Variants in KLHL4 observed in about 807,000 individuals in gnomAD.
KLHL4 encodes the protein kelch-like protein 4.
A neutral mutation model predicts 45.8 loss-of-function variants in KLHL4; 17 were observed. The observed-to-expected ratio is 0.37, with a 90% CI of 0.25 to 0.56. KLHL4 has a LOEUF of 0.56. Among genes scored for constraint, KLHL4 ranks in the 20% least tolerant of loss-of-function variants. The pLI is 0.79. For synonymous variants in KLHL4, 224 were observed against 189.9 expected (o/e 1.18, Z -1.47); for missense variants, 544 against 544.9 (o/e 1.00, Z 0.02).
At chrX:87,547,724 G>A (rs1362361634) in intron 1 of KLHL4, among the ~76,000 whole-genome samples, 2 of 110,661 alleles carry the variant, frequency 1.8e-5, no homozygotes, top group Non-Finnish European at 3.8e-5. Context: ...AGGAGGCTGA[G>A]GCAGAAGAAT....
Position 87,622,245 on chromosome X carries a change from T to A in KLHL4, c.959T>A (p.Phe320Tyr), listed in dbSNP as rs1174318459. 1 of 1,208,379 alleles carries A rather than the reference T, an allele frequency of 8.3e-7. No individual in the cohort carries two copies. Among genetic ancestry groups the A allele is most frequent in the South Asian group, 1.8e-5 (1 of 56,797 alleles). Reference protein sequence around the residue: ...HFIEVIKNQEFLLLPANEISK... With the variant: ...HFIEVIKNQEYLLLPANEISK... ...ATTGAGGTAATAAAAAACCAAGAAT[T>A]CCTCCTGCTTCCAGCTAATGAAATT... The change falls in exon 5 of 11, where the codon TTC becomes TAC. Residue 320 changes from phenylalanine to tyrosine, a missense_variant. Transcript: ENST00000373119.
chrX:87,623,268 T>G (rs1922813042), intron 5 of KLHL4, among the ~76,000 whole-genome samples: 1 of 107,177 alleles, frequency 9.3e-6, no homozygotes, highest in Non-Finnish European at 1.9e-5. Flanking sequence ...TGTTAATCTG[T>G]TGATGATTTT....
chrX:87,532,450 G>GT (rs1931315922), intron 1 of KLHL4, among the ~76,000 whole-genome samples: 1 of 109,278 alleles, frequency 9.2e-6, no homozygotes, highest in African/African-American at 3.3e-5. Flanking sequence ...CTTTAAGGTA[G>GT]TTTTTTCCAA....
At chrX:87,607,260 A>C (rs1164369449) in intron 1 of KLHL4, among the ~76,000 whole-genome samples, 1 of 109,494 alleles carries the variant, frequency 9.1e-6, no homozygotes, top group African/African-American at 3.3e-5. Flanking sequence ...CCCTAGCGCA[A>C]CTCTCAAATC....
At chrX:87,627,503 A>T (rs1922966721) in intron 6 of KLHL4, among the ~76,000 whole-genome samples, 1 of 111,806 alleles carries the variant, frequency 8.9e-6, no homozygotes, top group Admixed American at 9.5e-5. Context: ...AAATGCAATT[A>T]TTTGCAGATT....
chrX:87,585,505 CTTTT>C (rs1215035250), intron 1 of KLHL4, among the ~76,000 whole-genome samples: 1 of 110,908 alleles, frequency 9.0e-6, no homozygotes, highest in Non-Finnish European at 1.9e-5. Flanking sequence ...TATTAGTTTT[CTTTT>C]TGTTTGTTTG....
chrX:87,666,625 T>C lies in KLHL4; in HGVS notation c.*91T>C. Reference sequence around the variant, plus strand: ...AGAAAGAAATACATGTTCTTTTTCCTGCAATTAATAATCAGACTGGAAAAT... The same window carrying C: ...AGAAAGAAATACATGTTCTTTTTCCCGCAATTAATAATCAGACTGGAAAAT... On this transcript the variant is annotated 3_prime_UTR_variant, in exon 11 of 11. Transcript: ENST00000373119. 9.8e-7 allele frequency: 1 copy of C among 1,019,261 alleles called. No homozygotes were observed. The highest frequency in any genetic ancestry group is 3.5e-5 in the East Asian group (1 of 28,565). The allele number at this position is 1,019,261 out of a possible 1,213,427, so 84.0% of individuals were successfully genotyped here.
Position 87,614,037 on chromosome X carries a change from G to A in KLHL4, c.583G>A (p.Ala195Thr). ...LLIAGHLRIP[A>T]HRLVLSAVSD... The stretch of plus-strand genomic sequence containing the variant: ...GATTGCAGGACACCTCCGCATCCCA[G>A]CCCATAGGTAAGTATTTTTATGTAT... Residue 195 changes from alanine to threonine, a missense_variant, in exon 2 of 11, where the codon GCC (alanine) becomes ACC (threonine). Physicochemically the swap from Ala to Thr is moderately conservative, Grantham distance 58 (BLOSUM62 0). Transcript: ENST00000373119. 1 of 1,194,785 alleles carries A rather than the reference G, an allele frequency of 8.4e-7. No individual in the cohort carries two copies. Among genetic ancestry groups the A allele is most frequent in the Non-Finnish European group, 1.1e-6 (1 of 886,765 alleles).
At chrX:87,526,044 G>C (rs962550173) in intron 1 of KLHL4, among the ~76,000 whole-genome samples, 1 of 111,628 alleles carries the variant, frequency 9.0e-6, no homozygotes, top group African/African-American at 3.3e-5. Context: ...GCCCTGGGTA[G>C]CTTACTAAAG....
chrX:87,607,218 A>G (rs1602440809), intron 1 of KLHL4, among the ~76,000 whole-genome samples: 1 of 110,959 alleles, frequency 9.0e-6, no homozygotes, highest in East Asian at 2.9e-4. Flanking sequence ...CTGGCCTCTC[A>G]GTTGCTTCAC....
Position 87,668,039 on chromosome X carries a change from C to A in KLHL4, c.*1505C>A. 4 of 728,835 alleles carry A rather than the reference C, an allele frequency of 5.5e-6. No individual in the cohort carries two copies. In the South Asian group the frequency reaches 2.1e-4, roughly 38 times the overall value. The allele number at this position is 728,835 out of a possible 1,213,427, so 60.1% of individuals were successfully genotyped here. ...TAAACACAAAAATAAAATTCCACTCCTTTATTTCTTCTTACACCTGCCATT... is the reference window on the plus strand; with the variant it reads ...TAAACACAAAAATAAAATTCCACTCATTTATTTCTTCTTACACCTGCCATT... On this transcript the variant is annotated 3_prime_UTR_variant, in exon 11 of 11. Coordinates refer to ENST00000373119, the MANE Select transcript of KLHL4 (RefSeq NM_019117.5).
chrX:87,635,620 T>C lies in KLHL4; in HGVS notation c.1770T>C (p.Phe590=), dbSNP rs752990991. The change falls in exon 9 of 11, where the codon TTT becomes TTC. Residue 590 remains phenylalanine, a synonymous_variant. Transcript: ENST00000373119. ...CCTGCCTCAAATCAATGGAATACTTTGACCCACACACTAACAAGTGGAGTT... is the reference window on the plus strand; with the variant it reads ...CCTGCCTCAAATCAATGGAATACTTCGACCCACACACTAACAAGTGGAGTT... The part of the protein sequence containing the change: ...GSSCLKSMEY[F]DPHTNKWSLC... 11 of 1,209,801 alleles carry C rather than the reference T, an allele frequency of 9.1e-6. No individual in the cohort carries two copies. The highest frequency in any genetic ancestry group is 5.9e-5 in the East Asian group (2 of 33,747).
At chrX:87,591,642 T>C (rs1455375969) in intron 1 of KLHL4, among the ~76,000 whole-genome samples, 1 of 111,994 alleles carries the variant, frequency 8.9e-6, no homozygotes, top group African/African-American at 3.2e-5. Flanking sequence ...TAGAAGCTTT[T>C]TAGTCTGATA....
At chrX:87,599,531 G>C (rs763327201) in intron 1 of KLHL4, among the ~76,000 whole-genome samples, 3 of 110,341 alleles carry the variant, frequency 2.7e-5, no homozygotes, top group Non-Finnish European at 3.8e-5. Context: ...TACCACTTGT[G>C]TTCCTTTTCT....
chrX:87,605,221 G>A (rs1431141159), intron 1 of KLHL4, among the ~76,000 whole-genome samples: 6 of 110,650 alleles, frequency 5.4e-5, no homozygotes, highest in East Asian at 2.8e-4. Context: ...CATTTTTTTC[G>A]CTCAGGATTC....
At chrX:87,617,805 T>G (rs779461999) in intron 3 of KLHL4, 127 bp from the exon 4 acceptor site, 2 of 498,407 alleles carry the variant, frequency 4.0e-6, no homozygotes, top group Non-Finnish European at 6.6e-6. Context: ...AGCCTCAAAA[T>G]GTGCTCCAAA....
At position 87,518,367 on chromosome X, in the gene KLHL4, C is replaced by T. The variant is rs748198647; in HGVS notation, c.422+52C>T. ...ATGCCGTAACTTCAGTTAACTTATC[C>T]TCTACAATTCATGTTTAGTGTTTAA... On this transcript the variant is annotated intron_variant, in intron 1 of 10. Transcript: ENST00000373119. The T allele has an allele frequency of 1.5e-5, 14 of 953,368 alleles. No individual in the cohort carries two copies. In the South Asian group the frequency reaches 3.1e-4, roughly 21 times the overall value. 78.6% of individuals were successfully genotyped at this position (953,368 alleles called of 1,213,427 possible). A position where few individuals can be genotyped will look rare whatever the true frequency, so the allele number is the denominator to read the frequency against.
In KLHL4 at chrX:87,666,934, CTT is replaced by C. The variant is rs1357572014; in HGVS notation, c.*401_*402del. 13 of 693,028 alleles carry C rather than the reference CTT, an allele frequency of 1.9e-5. No individual in the cohort carries two copies. Among genetic ancestry groups the C allele is most frequent in the East Asian group, 1.6e-4 (1 of 6,396 alleles). The allele number at this position is 693,028 out of a possible 1,213,427, so 57.1% of individuals were successfully genotyped here. A position where few individuals can be genotyped will look rare whatever the true frequency, so the allele number is the denominator to read the frequency against. On this transcript the variant is annotated 3_prime_UTR_variant, in exon 11 of 11. Transcript: ENST00000373119. ...TCAGTTTTTTTTTAAAAAACGTACT[CTT>C]ATTATCTGGAACATAGAAATATAAA...
At chrX:87,571,337 C>G (rs181296349) in intron 1 of KLHL4, among the ~76,000 whole-genome samples, 1 of 110,942 alleles carries the variant, frequency 9.0e-6, no homozygotes, top group African/African-American at 3.3e-5. Context: ...TCGAAAACCA[C>G]TCTTTTGGTG....
Sources: gnomAD v4.1 joint callset for allele counts (sites outside exome capture counted in the v4.1 genomes callset) on GRCh38, gnomAD v4.1.1 for gene constraint, MANE v1.5 for transcripts, NCBI Gene and HGNC (gene_info 2026-07-23, HGNC 2026-07-21) for gene names.